Variants in WDR17 observed in about 807,000 individuals in gnomAD.
WDR17 encodes WD repeat-containing protein 17.
In WDR17, 143 loss-of-function variants were observed where a neutral mutation model predicts 161.7. That is an observed-to-expected ratio of 0.88 (90% CI 0.77 to 1.02). WDR17 has a LOEUF of 1.02. Among genes scored for constraint, WDR17 ranks in the 50% least tolerant of loss-of-function variants. The pLI is 0.00. For missense variants in WDR17, 1,469 were observed against 1,520.9 expected (o/e 0.97, Z 0.57); for synonymous variants, 517 against 515.6 (o/e 1.00, Z -0.04).
intron 10 of WDR17, among the ~76,000 whole-genome samples, chr4:176,140,432 T>C (rs1745071253): frequency 6.6e-6 from 1 of 152,130 alleles, no homozygotes; most frequent in African/African-American, 2.4e-5. Flanking sequence ...AATAAAGTCA[T>C]GCATGTGGGA....
intron 18 of WDR17, among the ~76,000 whole-genome samples, chr4:176,158,292 T>C (rs1748475432): frequency 6.6e-6 from 1 of 152,184 alleles, no homozygotes; most frequent in Non-Finnish European, 1.5e-5. Context: ...GGACGCCATA[T>C]GTAGTGATGT....
intron 22 of WDR17, among the ~76,000 whole-genome samples, chr4:176,163,537 A>C (rs992495508): frequency 6.6e-6 from 1 of 152,186 alleles, no homozygotes; most frequent in African/African-American, 2.4e-5. Flanking sequence ...TAGTGTTTCA[A>C]GCACTTAAAG....
intron 8 of WDR17, among the ~76,000 whole-genome samples, chr4:176,136,781 G>A (rs1579154632): frequency 1.3e-5 from 2 of 151,552 alleles, no homozygotes; most frequent in East Asian, 1.9e-4. Context: ...CAAAAGGAGA[G>A]CAGTTTAAAA....
At chr4:176,081,453 A>G (rs1275553585) in intron 1 of WDR17, among the ~76,000 whole-genome samples, 2 of 152,024 alleles carry the variant, frequency 1.3e-5, no homozygotes, top group Non-Finnish European at 2.9e-5. Context: ...CACCTAAATC[A>G]TAGGCACATT....
chr4:176,073,804 G>A (rs1363040349), intron 1 of WDR17, among the ~76,000 whole-genome samples: 1 of 152,072 alleles, frequency 6.6e-6, no homozygotes, highest in Admixed American at 6.5e-5. Context: ...ATTCTAACTG[G>A]TGTGAGATGG....
At chr4:176,117,816 C>A (rs905532636) in intron 3 of WDR17, among the ~76,000 whole-genome samples, 5 of 152,182 alleles carry the variant, frequency 3.3e-5, no homozygotes, top group African/African-American at 1.2e-4. Flanking sequence ...AGATTGAAAG[C>A]TTTGCTATTT....
intron 17 of WDR17, 137 bp from the exon 18 acceptor site, chr4:176,155,938 CAGAA>C (rs1486113508): frequency 7.2e-6 from 5 of 697,052 alleles, no homozygotes; most frequent in Non-Finnish European, 1.1e-5. Context: ...AAAAAGAAGT[CAGAA>C]AGTACCAAAT....
chr4:176,122,077 T>C (rs965876136), intron 4 of WDR17, among the ~76,000 whole-genome samples: 6 of 152,136 alleles, frequency 3.9e-5, no homozygotes, highest in African/African-American at 9.7e-5. Context: ...AGGGCAGAAG[T>C]ATAAAATAAG....
At chr4:176,075,224 A>G (rs1383539229) in intron 1 of WDR17, among the ~76,000 whole-genome samples, 1 of 151,874 alleles carries the variant, frequency 6.6e-6, no homozygotes, top group Non-Finnish European at 1.5e-5. Context: ...TTTGTTTCAT[A>G]ATTTTTGTAA....
intron 22 of WDR17, among the ~76,000 whole-genome samples, chr4:176,165,333 C>A (rs958793569): frequency 6.6e-6 from 1 of 152,092 alleles, no homozygotes; most frequent in Non-Finnish European, 1.5e-5. Context: ...CATGCCACTG[C>A]ACTCCAGCCT....
Position 176,179,002 on chromosome 4 carries a change from C to T in WDR17, c.3733-458C>T, listed in dbSNP as rs114041177. 3.8e-3 allele frequency among the ~76,000 whole-genome samples: 575 copies of T among 152,174 alleles called. 6 individuals carry two copies. Among genetic ancestry groups the T allele is most frequent in the African/African-American group, 0.013 (557 of 41,528 alleles). On this transcript the variant is annotated intron_variant, in intron 28 of 28. Coordinates refer to ENST00000508596, the MANE Select transcript of WDR17 (RefSeq NM_181265.4). ...TTTAAACGATATATACAATATAGAACAATATTCATCATCTTCTGGAGAGCA... is the reference window on the plus strand; with the variant it reads ...TTTAAACGATATATACAATATAGAATAATATTCATCATCTTCTGGAGAGCA...
chr4:176,143,171 G>A (rs1033094874), intron 11 of WDR17, among the ~76,000 whole-genome samples: 13 of 152,300 alleles, frequency 8.5e-5, no homozygotes, highest in African/African-American at 2.9e-4. Flanking sequence ...GAGCCACCAC[G>A]CCCGGCCTTA....
chr4:176,133,597 G>C (rs989372222), intron 7 of WDR17, among the ~76,000 whole-genome samples: 1 of 151,450 alleles, frequency 6.6e-6, no homozygotes, highest in Non-Finnish European at 1.5e-5. Flanking sequence ...CTGCCAGTCA[G>C]AGGGAGGCAG....
intron 3 of WDR17, among the ~76,000 whole-genome samples, chr4:176,118,418 A>G (rs542422986): frequency 6.6e-6 from 1 of 152,194 alleles, no homozygotes; most frequent in Admixed American, 6.5e-5. Flanking sequence ...CTAAAACCAT[A>G]TCAACTATTT....
chr4:176,154,006 G>T (rs1312863396), intron 17 of WDR17, among the ~76,000 whole-genome samples: 1 of 152,058 alleles, frequency 6.6e-6, no homozygotes, highest in Non-Finnish European at 1.5e-5. Context: ...AATAAATTTT[G>T]GTACAACAGT....
intron 24 of WDR17, 88 bp downstream of exon 24, chr4:176,172,604 G>A (rs1394851463): frequency 2.0e-5 from 24 of 1,213,764 alleles, no homozygotes; most frequent in Non-Finnish European, 2.7e-5. Flanking sequence ...ATTCATTTTT[G>A]CATTGCTATA....
intron 1 of WDR17, among the ~76,000 whole-genome samples, chr4:176,079,284 C>T (rs1304752745): frequency 2.0e-5 from 3 of 152,012 alleles, no homozygotes; most frequent in Non-Finnish European, 2.9e-5. Context: ...ATGGACTTTA[C>T]GTTTGATCCT....
chr4:176,097,495 T>A (rs1737068524), intron 1 of WDR17, among the ~76,000 whole-genome samples: 2 of 151,970 alleles, frequency 1.3e-5, no homozygotes, highest in Non-Finnish European at 2.9e-5. Context: ...TGGACTTTTT[T>A]TTCAGATACT....
chr4:176,159,379 T>G (rs1270610205), intron 18 of WDR17, among the ~76,000 whole-genome samples: 2 of 151,184 alleles, frequency 1.3e-5, no homozygotes, highest in African/African-American at 4.9e-5. Context: ...AGAGACAGAT[T>G]ACAGAAACAG....
Sources: allele counts gnomAD v4.1 joint callset (sites outside exome capture counted in the v4.1 genomes callset), GRCh38; gene constraint gnomAD v4.1.1; transcripts MANE v1.5; gene names NCBI Gene and HGNC (gene_info 2026-07-23, HGNC 2026-07-21).